FAM13B: variants seen among roughly 807,000 people sequenced by gnomAD.
FAM13B encodes protein FAM13B.
Under a neutral mutation model 117.3 loss-of-function variants are expected in FAM13B, and 60 were observed. That is an observed-to-expected ratio of 0.51 (90% confidence interval 0.42 to 0.63). The LOEUF is 0.63. FAM13B is among the 30% of genes least tolerant of loss of function. The pLI is 0.00. For missense variants in FAM13B, 972 were observed against 1,091.9 expected, an observed-to-expected ratio of 0.89 and a Z score of 1.55; for synonymous variants, 332 against 356.1, an observed-to-expected ratio of 0.93 and a Z score of 0.76.
At chr5:137,962,722 T>C (rs535678035) in intron 10 of FAM13B, among the ~76,000 whole-genome samples, 48 of 152,230 alleles carry the variant, frequency 3.2e-4, no homozygotes, top group African/African-American at 1.1e-3. Flanking sequence ...ACCACTACCA[T>C]CCTTCTTCCT....
In FAM13B at chr5:137,975,312, C is replaced by A. The variant is rs1185619128; in HGVS notation, c.1179+9945G>T. Among the ~76,000 whole-genome samples the A allele has an allele frequency of 3.3e-5, 5 of 152,226 alleles. No individual in the cohort carries two copies. In the East Asian group the frequency reaches 7.7e-4, roughly 23 times the overall value. On this transcript the variant is annotated intron_variant, in intron 10 of 23. Transcript: ENST00000689681. ...AAATTTCTAATCCACCCAACACGCA[C>A]TCTGTACCCTGGCTAACTATTTCAA...
chr5:138,007,927 C>T (rs1782962308), intron 6 of FAM13B, among the ~76,000 whole-genome samples: 2 of 152,258 alleles, frequency 1.3e-5, no homozygotes, highest in South Asian at 4.1e-4. Flanking sequence ...AGACTCTGAG[C>T]AATGCAAGTA....
chr5:138,027,244 T>G (rs972837691), intron 1 of FAM13B, among the ~76,000 whole-genome samples: 1 of 152,106 alleles, frequency 6.6e-6, no homozygotes, highest in Admixed American at 6.6e-5. Context: ...TAGGATACAA[T>G]TCACATAGAA....
chr5:138,020,619 A>C (rs955447159), intron 2 of FAM13B: 1 of 152,370 alleles, frequency 6.6e-6, no homozygotes, highest in Admixed American at 6.5e-5. Flanking sequence ...AGAAAAACTC[A>C]AAGGTTGATA....
At chr5:137,943,300 C>A (rs1762405370) in intron 20 of FAM13B, 84 bp from the exon 21 acceptor site, 1 of 1,053,624 alleles carries the variant, frequency 9.5e-7, no homozygotes, top group Non-Finnish European at 1.4e-6. Flanking sequence ...TGTTACGAAT[C>A]TTCAACTTTA....
intron 6 of FAM13B, among the ~76,000 whole-genome samples, 196 bp from the exon 7 acceptor site, chr5:138,007,343 C>T (rs1190138866): frequency 6.6e-6 from 1 of 152,066 alleles, no homozygotes; most frequent in African/African-American, 2.4e-5. Flanking sequence ...ACAAATGTAA[C>T]ATTTTGAAGC....
chr5:137,952,568 G>T, intron 17 of FAM13B, 60 bp downstream of exon 17: 1 of 1,019,952 alleles, frequency 9.8e-7, no homozygotes, highest in Non-Finnish European at 1.5e-6. Context: ...GTGATTCTCA[G>T]ACATTAATAT....
intron 7 of FAM13B, among the ~76,000 whole-genome samples, chr5:137,997,280 C>T (rs1005953593): frequency 6.6e-6 from 1 of 152,030 alleles, no homozygotes; most frequent in African/African-American, 2.4e-5. Context: ...GCAGCCTGCC[C>T]AACATGGTGA....
At chr5:138,015,670 T>C (rs1442055388) in intron 4 of FAM13B, among the ~76,000 whole-genome samples, 1 of 152,192 alleles carries the variant, frequency 6.6e-6, no homozygotes, top group Non-Finnish European at 1.5e-5. Flanking sequence ...CCCACTGCAC[T>C]CCAGCCTGGG....
intron 4 of FAM13B, among the ~76,000 whole-genome samples, chr5:138,012,216 CTTTTTT>C (rs36054299): frequency 0.22 from 27,209 of 121,844 alleles, 2,957 homozygotes; most frequent in African/African-American, 0.33. Context: ...CCCCAATTCT[CTTTTTT>C]TTTTTTTTTT....
intron 7 of FAM13B, among the ~76,000 whole-genome samples, chr5:137,998,575 G>A (rs1260922592): frequency 6.6e-6 from 1 of 152,066 alleles, no homozygotes; most frequent in Non-Finnish European, 1.5e-5. Flanking sequence ...TCTCAGAAAC[G>A]ACTAAGACTC....
At chr5:137,965,407 G>A (rs1318456728) in intron 10 of FAM13B, among the ~76,000 whole-genome samples, 1 of 152,112 alleles carries the variant, frequency 6.6e-6, no homozygotes, top group Non-Finnish European at 1.5e-5. Context: ...GGAGCTATCG[G>A]AGATTACTGC....
At chr5:137,979,500 C>G (rs1055535171) in intron 10 of FAM13B, among the ~76,000 whole-genome samples, 8 of 152,262 alleles carry the variant, frequency 5.3e-5, no homozygotes, top group Middle Eastern at 3.4e-3. Context: ...CTGAGAAAAT[C>G]TACAATTCTT....
At chr5:138,029,833 G>T (rs1354977435) in intron 1 of FAM13B, among the ~76,000 whole-genome samples, 1 of 152,166 alleles carries the variant, frequency 6.6e-6, no homozygotes, top group East Asian at 1.9e-4. Context: ...AAACAAAACT[G>T]AACTTTTTCT....
At chr5:138,010,980 ATT>A in intron 6 of FAM13B, 26 bp downstream of exon 6, 2 of 1,461,432 alleles carry the variant, frequency 1.4e-6, no homozygotes, top group Non-Finnish European at 9.0e-7. Flanking sequence ...AAAAAAAAAA[ATT>A]ATCCCTCCAA....
intron 7 of FAM13B, among the ~76,000 whole-genome samples, chr5:137,995,728 A>G (rs1355987909): frequency 1.3e-5 from 2 of 152,240 alleles, no homozygotes; most frequent in African/African-American, 2.4e-5. Context: ...TCACTGTTAC[A>G]AAGTTAGTCA....
intron 23 of FAM13B, 181 bp from the exon 24 acceptor site, chr5:137,940,529 T>G (rs1761371135): frequency 1.8e-6 from 1 of 545,922 alleles, no homozygotes; most frequent in Admixed American, 3.6e-5. Flanking sequence ...ACTTCTAAAA[T>G]TTTTGATGGA....
intron 1 of FAM13B, among the ~76,000 whole-genome samples, chr5:138,050,557 G>A (rs763198645): frequency 3.9e-5 from 6 of 152,290 alleles, no homozygotes; most frequent in East Asian, 1.9e-4. Context: ...TCTTGGACTC[G>A]GAGATACTAC....
chr5:137,971,709 C>T (rs4835742), intron 10 of FAM13B, among the ~76,000 whole-genome samples: 107,173 of 146,264 alleles, frequency 0.73, 39,857 homozygotes, highest in East Asian at 0.97. Flanking sequence ...ATTGATAGAC[C>T]GCTAGCAAGA....
Sources: gnomAD v4.1 joint callset for allele counts (sites outside exome capture counted in the v4.1 genomes callset) on GRCh38, gnomAD v4.1.1 for gene constraint, MANE v1.5 for transcripts, NCBI Gene and HGNC (gene_info 2026-07-23, HGNC 2026-07-21) for gene names.